Variants in ADGRE5 observed in about 807,000 individuals in gnomAD.
ADGRE5 encodes CD97 molecule.
A neutral mutation model predicts 100.3 loss-of-function variants in ADGRE5; 72 were observed. The ratio of observed to expected loss-of-function variants is 0.72; its 90% CI spans 0.59 to 0.87. The LOEUF (loss-of-function observed/expected upper bound fraction) is 0.87. Ranked by LOEUF, ADGRE5 falls within the 40% of genes least tolerant of loss-of-function variation. ADGRE5 has a pLI of 0.00. For synonymous variants in ADGRE5, 439 were observed against 447.8 expected, an observed-to-expected ratio of 0.98 and a Z score of 0.25; for missense variants, 959 against 1,094.7, an observed-to-expected ratio of 0.88 and a Z score of 1.75.
At position 14,406,851 on chromosome 19, in the gene ADGRE5, A is replaced by T; in HGVS notation, c.2116-18A>T. On this transcript the variant is annotated intron_variant, in intron 16 of 19. Coordinates refer to ENST00000242786, the MANE Select transcript of ADGRE5 (RefSeq NM_078481.4). This position sits in a 1 kb window ranked among gnomAD's most constrained non-coding sequence, Gnocchi z 6.0. ...CCATCGCTCTCGCCCTCTAACCCAC[A>T]ATCTGCTCCCTGCCCAGTGCAATGC... 6.2e-7 allele frequency: 1 copy of T among 1,613,508 alleles called. No homozygotes were observed. The highest frequency in any genetic ancestry group is 8.5e-7 in the Non-Finnish European group (1 of 1,179,460).
intron 1 of ADGRE5, among the ~76,000 whole-genome samples, chr19:14,382,612 C>T (rs1280409442): frequency 6.6e-6 from 1 of 152,080 alleles, no homozygotes; most frequent in Non-Finnish European, 1.5e-5. Context: ...CCTGCAATCC[C>T]AGCACTTTGA....
intron 9 of ADGRE5, among the ~76,000 whole-genome samples, chr19:14,398,759 T>A (rs1975889551): frequency 6.7e-6 from 1 of 150,362 alleles, no homozygotes. Flanking sequence ...CTCTGTGATC[T>A]AAGGCAAGTG....
At position 14,406,428 on chromosome 19, in the gene ADGRE5, T is replaced by C; in HGVS notation, c.1919T>C (p.Leu640Pro). Residue 640 changes from leucine (L) to proline (P), a missense_variant, in exon 15 of 20, where the codon CTT becomes CCT. By Grantham distance (98) the Leu-to-Pro change is moderately conservative. This residue lies in a region of ADGRE5 where 428 missense variants were observed against 386.2 expected (regional missense o/e 1.11). Coordinates refer to ENST00000242786, the MANE Select transcript of ADGRE5 (RefSeq NM_078481.4). This position sits in a 1 kb window ranked among gnomAD's most constrained non-coding sequence, Gnocchi z 6.0. ...MSLEGLELYFLVVRVFQGQGL... is the reference protein window; with the variant it reads ...MSLEGLELYFPVVRVFQGQGL... The stretch of plus-strand genomic sequence containing the variant: ...CTCGAAGGCCTGGAGCTCTACTTTC[T>C]TGTGGTGCGCGTGTTCCAAGGCCAG... 6.3e-7 allele frequency: 1 copy of C among 1,589,452 alleles called. No individual in the cohort carries two copies. Among genetic ancestry groups the C allele is most frequent in the South Asian group, 1.1e-5 (1 of 87,802 alleles).
chr19:14,407,939 T>C lies in ADGRE5; in HGVS notation c.2408T>C (p.Leu803Pro). The change falls in exon 19 of 20, where the codon CTA becomes CCA. Residue 803 changes from leucine (L) to proline (P), a missense_variant. This residue lies in a region of ADGRE5 where 428 missense variants were observed against 386.2 expected (regional missense o/e 1.11). Coordinates refer to ENST00000242786, the MANE Select transcript of ADGRE5 (RefSeq NM_078481.4). The stretch of plus-strand genomic sequence containing the variant: ...GAAGAATACCGGAAGTGGGCCTGCC[T>C]AGTTGCTGGGGGGAGCAAGTACTCA... ...VREEYRKWAC[L>P]VAGGSKYSEF... 6.2e-7 allele frequency: 1 copy of C among 1,614,126 alleles called. No individual in the cohort carries two copies. Among genetic ancestry groups the C allele is most frequent in the Non-Finnish European group, 8.5e-7 (1 of 1,180,018 alleles).
chr19:14,407,155 A>G lies in ADGRE5; in HGVS notation c.2302A>G (p.Thr768Ala). 2 of 1,614,004 alleles carry G rather than the reference A, an allele frequency of 1.2e-6. No homozygotes were observed. Among genetic ancestry groups the G allele is most frequent in the Non-Finnish European group, 1.7e-6 (2 of 1,180,000 alleles). Residue 768 changes from threonine (T) to alanine (A), a missense_variant, in exon 18 of 20, where the codon ACC (threonine) becomes GCC (alanine). Coordinates refer to ENST00000242786, the MANE Select transcript of ADGRE5 (RefSeq NM_078481.4). ...CTTCGACGATCGGAGCTTGGTGCTG[A>G]CCTATGTGTTTACCATCCTCAACTG... ...FIFDDRSLVL[T>A]YVFTILNCLQ...
chr19:14,390,052 G>A (rs112204503), intron 3 of ADGRE5, among the ~76,000 whole-genome samples: 37 of 146,304 alleles, frequency 2.5e-4, no homozygotes, highest in African/African-American at 9.3e-4. Context: ...CTCCAGCCTG[G>A]GCAACAAGAG....
Position 14,385,979 on chromosome 19 carries a change from C to G in ADGRE5, c.23-2471C>G, listed in dbSNP as rs141858701. ...AGAGAGGGGGTTTCACCATATTAGGCAGGCTGGTCTCGAACTCCCGATCTC... is the reference window on the plus strand; with the variant it reads ...AGAGAGGGGGTTTCACCATATTAGGGAGGCTGGTCTCGAACTCCCGATCTC... On this transcript the variant is annotated intron_variant, in intron 1 of 19. Coordinates refer to ENST00000242786, the MANE Select transcript of ADGRE5 (RefSeq NM_078481.4). Among the ~76,000 whole-genome samples, 1,511 of 151,856 alleles carry G rather than the reference C, an allele frequency of 1.0e-2. 13 individuals carry two copies. Among genetic ancestry groups the G allele is most frequent in the South Asian group, 0.021 (102 of 4,810 alleles).
rs143487927 is a variant in ADGRE5 at position 14,388,255 on chromosome 19, G to A, written c.23-195G>A. Among the ~76,000 whole-genome samples, 136 of 151,326 alleles carry A rather than the reference G, an allele frequency of 9.0e-4. 2 individuals are homozygous for A. The highest frequency in any genetic ancestry group is 3.1e-3 in the African/African-American group (130 of 41,340). On this transcript the variant is annotated intron_variant, in intron 1 of 19. Coordinates refer to ENST00000242786, the MANE Select transcript of ADGRE5 (RefSeq NM_078481.4). ...AAAAAAAACAAAAACAAAAAAACCCGCCCCTATGGGAACAGGGTGACAGAC... is the reference window on the plus strand; with the variant it reads ...AAAAAAAACAAAAACAAAAAAACCCACCCCTATGGGAACAGGGTGACAGAC...
intron 9 of ADGRE5, among the ~76,000 whole-genome samples, chr19:14,400,789 C>T (rs114961400): frequency 2.1e-3 from 320 of 151,984 alleles, no homozygotes; most frequent in African/African-American, 7.0e-3. Flanking sequence ...GAGACTTAGT[C>T]TCAGATAAAT....
At chr19:14,400,297 G>C (rs977060087) in intron 9 of ADGRE5, among the ~76,000 whole-genome samples, 6 of 152,046 alleles carry the variant, frequency 3.9e-5, no homozygotes, top group Admixed American at 1.3e-4. Flanking sequence ...TGGGATTACA[G>C]GTGTGAGCCA....
intron 4 of ADGRE5, among the ~76,000 whole-genome samples, chr19:14,395,317 A>C (rs1247119199): frequency 5.3e-4 from 80 of 151,910 alleles, no homozygotes; most frequent in African/African-American, 1.9e-3. Context: ...AAAAAAAAAA[A>C]AACAAAAACG....
Position 14,406,991 on chromosome 19 carries a change from C to T in ADGRE5, c.2207+31C>T, listed in dbSNP as rs765566953. Reference sequence around the variant, plus strand: ...AGGAGAGGCTGGAAGGACTTGGAGGCGGGGCCGGGGTGAGGGGCATGAAGC... The same window carrying T: ...AGGAGAGGCTGGAAGGACTTGGAGGTGGGGCCGGGGTGAGGGGCATGAAGC... On this transcript the variant is annotated intron_variant, in intron 17 of 19. Coordinates refer to ENST00000242786, the MANE Select transcript of ADGRE5 (RefSeq NM_078481.4). This position sits in a 1 kb window ranked among gnomAD's most constrained non-coding sequence, Gnocchi z 6.0. The T allele has an allele frequency of 1.9e-5, 31 of 1,613,098 alleles. No individual in the cohort carries two copies. The highest frequency in any genetic ancestry group is 2.2e-5 in the East Asian group (1 of 44,894).
chr19:14,398,811 G>A (rs567645746), intron 9 of ADGRE5, among the ~76,000 whole-genome samples: 1 of 151,366 alleles, frequency 6.6e-6, no homozygotes, highest in Admixed American at 6.6e-5. Context: ...CTGTTTTGGG[G>A]GTTGTGGTGT....
chr19:14,389,954 T>TA (rs1312847515), intron 3 of ADGRE5, among the ~76,000 whole-genome samples: 6 of 151,512 alleles, frequency 4.0e-5, no homozygotes, highest in Non-Finnish European at 7.4e-5. Flanking sequence ...CACATGCTTG[T>TA]AATCCCAGCT....
chr19:14,385,999 G>A (rs572860746), intron 1 of ADGRE5, among the ~76,000 whole-genome samples: 10 of 150,940 alleles, frequency 6.6e-5, no homozygotes, highest in Admixed American at 6.6e-4. Flanking sequence ...TCGAACTCCC[G>A]ATCTCAAGTG....
At chr19:14,394,978 G>A (rs901122286) in intron 4 of ADGRE5, among the ~76,000 whole-genome samples, 6 of 152,180 alleles carry the variant, frequency 3.9e-5, no homozygotes, top group Admixed American at 6.5e-5. Context: ...CTGTGGCCAG[G>A]TGTGGGCAGC....
At chr19:14,397,337 C>A in intron 6 of ADGRE5, 114 bp downstream of exon 6, 11 of 1,527,710 alleles carry the variant, frequency 7.2e-6, no homozygotes, top group Non-Finnish European at 9.8e-6. Context: ...CTGTGCCAGG[C>A]GTTCGTTCAT....
In ADGRE5 at chr19:14,401,603, C is replaced by T. The variant is rs367986615; in HGVS notation, c.1075+40C>T. On this transcript the variant is annotated intron_variant, in intron 10 of 19. Coordinates refer to ENST00000242786, the MANE Select transcript of ADGRE5 (RefSeq NM_078481.4). This position sits in a 1 kb window ranked among gnomAD's most constrained non-coding sequence, Gnocchi z 4.1. ...TGGCCTGCCCTGCCCCAACCCTGGGCCCCACCTGGTACCTGGGGTCCCTAA... is the reference window on the plus strand; with the variant it reads ...TGGCCTGCCCTGCCCCAACCCTGGGTCCCACCTGGTACCTGGGGTCCCTAA... 2 of 1,605,372 alleles carry T rather than the reference C, an allele frequency of 1.2e-6. No individual in the cohort carries two copies. Among genetic ancestry groups the T allele is most frequent in the Non-Finnish European group, 1.7e-6 (2 of 1,174,316 alleles).
intron 3 of ADGRE5, among the ~76,000 whole-genome samples, chr19:14,390,031 G>A (rs1975541042): frequency 1.3e-5 from 2 of 150,010 alleles, no homozygotes; most frequent in African/African-American, 4.9e-5. Context: ...AGCCAAGACC[G>A]TGCCATTGCA....
Sources: gnomAD v4.1 joint callset for allele counts (sites outside exome capture counted in the v4.1 genomes callset) on GRCh38, gnomAD v4.1.1 for gene constraint, gnomAD v4.1.1 regional missense constraint, Gnocchi (gnomAD v3.1) non-coding constraint, MANE v1.5 for transcripts, NCBI Gene and HGNC (gene_info 2026-07-23, HGNC 2026-07-21) for gene names.